CFAP298: variants seen among roughly 807,000 people sequenced by gnomAD.
CFAP298 encodes the protein cilia and flagella associated protein 298.
A neutral mutation model predicts 41.0 loss-of-function variants in CFAP298; 38 were observed. The observed-to-expected ratio is 0.93, with a 90% CI of 0.72 to 1.22. CFAP298 has a LOEUF of 1.22. Among genes scored for constraint, CFAP298 ranks in the 50% most tolerant of loss-of-function variants. CFAP298 has a pLI of 0.00. For synonymous variants in CFAP298, 137 were observed against 135.3 expected, an observed-to-expected ratio of 1.01 and a Z score of -0.09; for missense variants, 348 against 360.3, an observed-to-expected ratio of 0.97 and a Z score of 0.28.
At chr21:32,604,547 G>C (rs1472783453) in intron 3 of CFAP298, 1 of 441,478 alleles carries the variant, frequency 2.3e-6, no homozygotes, top group Admixed American at 3.6e-5. Context: ...GCCCAATGCT[G>C]GCAGCACAGA....
At chr21:32,612,022 C>T (rs2039011313) in intron 1 of CFAP298, 83 bp downstream of exon 1, 2 of 1,414,598 alleles carry the variant, frequency 1.4e-6, no homozygotes, top group Non-Finnish European at 1.9e-6. Context: ...ACAAACCTGA[C>T]CCCTCGGCCC....
Position 32,600,173 on chromosome 21 carries a change from TCATC to T in CFAP298, c.*1686_*1689del, listed in dbSNP as rs547603209. ...ACAGCATCTTATTGCATATACTACA[TCATC>T]CAAGGTCAAAACCCTTTCATAGAGA... On this transcript the variant is annotated 3_prime_UTR_variant, in exon 7 of 7. Transcript: ENST00000290155. 2.2e-3 allele frequency among the ~76,000 whole-genome samples: 339 copies of T among 152,288 alleles called. No individual in the cohort carries two copies. The highest frequency in any genetic ancestry group is 7.1e-3 in the African/African-American group (295 of 41,556).
rs759060499 is a variant in CFAP298, at chr21:32,609,966, G to A, written c.179C>T (p.Pro60Leu). 1 of 1,613,318 alleles carries A rather than the reference G, an allele frequency of 6.2e-7. No individual in the cohort carries two copies. Among genetic ancestry groups the A allele is most frequent in the East Asian group, 2.2e-5 (1 of 44,884 alleles). Residue 60 changes from proline to leucine, a missense_variant, in exon 2 of 7, where the codon CCT becomes CTT. Pro to Leu is a moderately conservative substitution (Grantham distance 98). Coordinates refer to ENST00000290155, the MANE Select transcript of CFAP298 (RefSeq NM_021254.4). ...ATCATCGGTCAGTCCTTGCATATTAGGAGGGAGAAATATGCCATGTTCGGC... is the reference window on the plus strand; with the variant it reads ...ATCATCGGTCAGTCCTTGCATATTAAGAGGGAGAAATATGCCATGTTCGGC... ...ELAEHGIFLP[P>L]NMQGLTDDQI...
At position 32,612,153 on chromosome 21, in the gene CFAP298, C is replaced by T; in HGVS notation, c.91G>A (p.Val31Met). 2 of 1,584,504 alleles carry T rather than the reference C, an allele frequency of 1.3e-6. No homozygotes were observed. Among genetic ancestry groups the T allele is most frequent in the Non-Finnish European group, 1.7e-6 (2 of 1,165,874 alleles). ...AGCCGCCCATTATAGACCCGGGCCA[C>T]CTGCACCGTGAGCTCCTCCAGCTCG... ...STELEELTVQ[V>M]ARVYNGRLKV... is the part of the protein sequence containing the mutation. The change falls in exon 1 of 7, where the codon GTG becomes ATG. Residue 31 changes from valine (V) to methionine (M), a missense_variant. Coordinates refer to ENST00000290155, the MANE Select transcript of CFAP298 (RefSeq NM_021254.4).
At chr21:32,609,053 A>G (rs1025605105) in intron 2 of CFAP298, among the ~76,000 whole-genome samples, 6 of 152,290 alleles carry the variant, frequency 3.9e-5, no homozygotes, top group Non-Finnish European at 8.8e-5. Context: ...AAGGAGAGGA[A>G]TTTCCTCAGT....
In CFAP298 at chr21:32,604,218, T is replaced by A; in HGVS notation, c.441A>T (p.Arg147=). The change falls in exon 4 of 7, where the codon CGA becomes CGT. Residue 147 remains arginine (R), a synonymous_variant. Transcript: ENST00000290155. The stretch of plus-strand genomic sequence containing the variant: ...TGGGGTAAACAATCATCACCGCGCC[T>A]CGAAGCTGGTCCAAGGCATCTTTCA... ...EMVKDALDQL[R]GAVMIVYPMG... 1 of 1,614,092 alleles carries A rather than the reference T, an allele frequency of 6.2e-7. No individual in the cohort carries two copies. Among genetic ancestry groups the A allele is most frequent in the African/African-American group, 1.3e-5 (1 of 75,030 alleles).
intron 1 of CFAP298, among the ~76,000 whole-genome samples, chr21:32,611,343 T>A (rs866024108): frequency 0.045 from 5,291 of 118,818 alleles, 386 homozygotes; most frequent in African/African-American, 0.11. Flanking sequence ...ATATATAATT[T>A]ATTTATATTT....
At chr21:32,605,013 T>C (rs2038837475) in intron 3 of CFAP298, among the ~76,000 whole-genome samples, 1 of 152,228 alleles carries the variant, frequency 6.6e-6, no homozygotes, top group Non-Finnish European at 1.5e-5. Flanking sequence ...GCCCTGTCTC[T>C]ACTAAAAATA....
rs113644479 is a variant in CFAP298 at position 32,601,518 on chromosome 21, T to C, written c.*345A>G. ...TTCACCGTGTTAGCCTGGATGGTCT[T>C]GATCTCCTGACCTCGTGATCTGCCT... is the stretch of plus-strand genomic sequence containing the variant. On this transcript the variant is annotated 3_prime_UTR_variant, in exon 7 of 7. Coordinates refer to ENST00000290155, the MANE Select transcript of CFAP298 (RefSeq NM_021254.4). The C allele has an allele frequency of 1.9e-3, 346 of 185,050 alleles. 3 individuals are homozygous for C. The highest frequency in any genetic ancestry group is 7.8e-3 in the African/African-American group (328 of 42,138). 11.5% of individuals were successfully genotyped at this position (185,050 alleles called of 1,614,324 possible).
intron 3 of CFAP298, among the ~76,000 whole-genome samples, chr21:32,606,589 CCT>C (rs1329870633): frequency 1.3e-5 from 2 of 152,314 alleles, no homozygotes; most frequent in East Asian, 3.9e-4. Flanking sequence ...CTTCATAAAG[CCT>C]TTCCTATATT....
rs1225132822 is a variant in CFAP298 at position 32,609,878 on chromosome 21, T to C, written c.267A>G (p.Ala89=). The C allele has an allele frequency of 6.2e-7, 1 of 1,614,088 alleles. No homozygotes were observed. The highest frequency in any genetic ancestry group is 2.2e-5 in the East Asian group (1 of 44,908). ...GTCCAATATCATCCTTTTTAAACACTGCACCTCCGCTGGGTACGCATTTTT... is the reference window on the plus strand; with the variant it reads ...GTCCAATATCATCCTTTTTAAACACCGCACCTCCGCTGGGTACGCATTTTT... ...WGEKCVPSGG[A]VFKKDDIGRR... Residue 89 remains alanine (A), a synonymous_variant, in exon 2 of 7, where the codon GCA becomes GCG. Transcript: ENST00000290155.
In CFAP298 at chr21:32,609,959, C is replaced by T. The variant is rs774082809; in HGVS notation, c.186G>A (p.Met62Ile). ...CAATCTGATCATCGGTCAGTCCTTG[C>T]ATATTAGGAGGGAGAAATATGCCAT... ...AEHGIFLPPN[M>I]QGLTDDQIEE... The change falls in exon 2 of 7, where the codon ATG becomes ATA. Residue 62 changes from methionine (M) to isoleucine (I), a missense_variant. By Grantham distance (10) the Met-to-Ile change is conservative (BLOSUM62 1). Transcript: ENST00000290155. 3 of 1,613,940 alleles carry T rather than the reference C, an allele frequency of 1.9e-6. No homozygotes were observed.
intron 3 of CFAP298, 100 bp downstream of exon 3, chr21:32,607,549 C>G: frequency 1.5e-6 from 1 of 684,130 alleles, no homozygotes; most frequent in Non-Finnish European, 2.5e-6. Flanking sequence ...GCCGAGATCG[C>G]ACCATTGCAC....
rs2039023417 is a variant in CFAP298, at chr21:32,612,352, C to G, written c.-109G>C. ...GCCAGCAGCTGCGACGCACTAACAG[C>G]CGCTCACAGTCCGGAATCCCACGCT... On this transcript the variant is annotated 5_prime_UTR_variant, in exon 1 of 7. Coordinates refer to ENST00000290155, the MANE Select transcript of CFAP298 (RefSeq NM_021254.4). 20 of 1,439,638 alleles carry G rather than the reference C, an allele frequency of 1.4e-5. No individual in the cohort carries two copies. Among genetic ancestry groups the G allele is most frequent in the Non-Finnish European group, 1.8e-5 (20 of 1,098,330 alleles). 89.2% of individuals were successfully genotyped at this position (1,439,638 alleles called of 1,614,324 possible).
intron 5 of CFAP298, chr21:32,602,803 T>TCCCC: frequency 2.2e-6 from 3 of 1,363,618 alleles, no homozygotes; most frequent in Non-Finnish European, 2.8e-6. Context: ...CCTTTCCTCC[T>TCCCC]CCCCCTCCTG....
Position 32,604,228 on chromosome 21 carries a change from T to C in CFAP298, c.431A>G (p.Asp144Gly), listed in dbSNP as rs1286833455. 1.2e-6 allele frequency: 2 copies of C among 1,613,928 alleles called. No homozygotes were observed. Among genetic ancestry groups the C allele is most frequent in the Non-Finnish European group, 1.7e-6 (2 of 1,180,030 alleles). The change falls in exon 4 of 7, where the codon GAC becomes GGC. Residue 144 changes from aspartate to glycine, a missense_variant. Asp to Gly is a moderately conservative substitution (Grantham distance 94, BLOSUM62 -1). Coordinates refer to ENST00000290155, the MANE Select transcript of CFAP298 (RefSeq NM_021254.4). ...VTMEMVKDAL[D>G]QLRGAVMIVY... Reference sequence around the variant, plus strand: ...AATCATCACCGCGCCTCGAAGCTGGTCCAAGGCATCTTTCACCATCTCCAT... The same window carrying C: ...AATCATCACCGCGCCTCGAAGCTGGCCCAAGGCATCTTTCACCATCTCCAT...
rs1236224655 is a variant in CFAP298 at position 32,599,978 on chromosome 21, A to G, written c.*1885T>C. 1.3e-5 allele frequency among the ~76,000 whole-genome samples: 2 copies of G among 152,226 alleles called. No homozygotes were observed. The highest frequency in any genetic ancestry group is 4.8e-5 in the African/African-American group (2 of 41,466). On this transcript the variant is annotated 3_prime_UTR_variant, in exon 7 of 7. Coordinates refer to ENST00000290155, the MANE Select transcript of CFAP298 (RefSeq NM_021254.4). ...GGATAACTATCACGGCCAAAAGAGT[A>G]TTCCTACTGCAGGCTCAGTAAGACT...
intron 2 of CFAP298, among the ~76,000 whole-genome samples, chr21:32,608,866 T>A (rs574077559): frequency 1.3e-5 from 2 of 152,294 alleles, no homozygotes; most frequent in South Asian, 4.1e-4. Flanking sequence ...CCCTGATATT[T>A]AAAAAAATGT....
intron 3 of CFAP298, 94 bp from the exon 4 acceptor site, chr21:32,604,377 A>G: frequency 7.2e-7 from 1 of 1,397,766 alleles, no homozygotes; most frequent in Non-Finnish European, 1.0e-6. Flanking sequence ...AGATACTGCC[A>G]GAGCAACAAA....
Sources: allele counts gnomAD v4.1 joint callset (sites outside exome capture counted in the v4.1 genomes callset), GRCh38; gene constraint gnomAD v4.1.1; transcripts MANE v1.5; gene names NCBI Gene and HGNC (gene_info 2026-07-23, HGNC 2026-07-21).